ADCY5: variants seen among roughly 807,000 people sequenced by gnomAD.
ADCY5 encodes adenylate cyclase type 5.
Under a neutral mutation model 119.7 loss-of-function variants are expected in ADCY5, and 30 were observed. The ratio of observed to expected loss-of-function variants is 0.25; its 90% CI spans 0.19 to 0.34. The LOEUF is 0.34. Among genes scored for constraint, ADCY5 ranks in the 10% least tolerant of loss-of-function variants. ADCY5 has a pLI of 1.00. For missense variants in ADCY5, 1,324 were observed against 1,775.2 expected (o/e 0.75, Z 4.57); for synonymous variants, 753 against 762.2 (o/e 0.99, Z 0.20).
At chr3:123,346,952 T>C (rs1340302706) in intron 3 of ADCY5, among the ~76,000 whole-genome samples, 1 of 152,136 alleles carries the variant, frequency 6.6e-6, no homozygotes, top group Non-Finnish European at 1.5e-5. Flanking sequence ...CTACATCTGT[T>C]TGCACGTCCC....
chr3:123,419,104 A>T (rs1391936622), intron 1 of ADCY5: 76 of 971,476 alleles, frequency 7.8e-5, no homozygotes, highest in Non-Finnish European at 9.2e-5. Flanking sequence ...TGTCTATATA[A>T]ATCCTAAGGG....
intron 1 of ADCY5, among the ~76,000 whole-genome samples, chr3:123,405,082 C>A (rs1335495614): frequency 3.9e-5 from 6 of 152,216 alleles, no homozygotes; most frequent in Admixed American, 3.9e-4. Flanking sequence ...AAAGAGCCTG[C>A]GACAGCTGCT....
intron 1 of ADCY5, among the ~76,000 whole-genome samples, chr3:123,386,793 C>G (rs58531872): frequency 0.48 from 72,494 of 151,904 alleles, 18,112 homozygotes; most frequent in East Asian, 0.68. Flanking sequence ...CCCGACCCCA[C>G]CCCGTTTCCT....
At chr3:123,393,001 T>C in intron 1 of ADCY5, among the ~76,000 whole-genome samples, 1 of 152,110 alleles carries the variant, frequency 6.6e-6, no homozygotes, top group East Asian at 1.9e-4. Context: ...GCTGAGACAA[T>C]GGCACATGCT....
At position 123,282,959 on chromosome 3, in the gene ADCY5, A is replaced by G. The variant is rs1938469997; in HGVS notation, c.*1649T>C. The G allele has an allele frequency of 6.6e-6, 1 of 152,242 alleles. No individual in the cohort carries two copies. Among genetic ancestry groups the G allele is most frequent in the Admixed American group, 6.5e-5 (1 of 15,288 alleles). 9.4% of individuals were successfully genotyped at this position (152,242 alleles called of 1,614,324 possible). On this transcript the variant is annotated 3_prime_UTR_variant, in exon 21 of 21. Coordinates refer to ENST00000462833, the MANE Select transcript of ADCY5 (RefSeq NM_183357.3). Reference sequence around the variant, plus strand: ...TAAGGATTCCACTGAATTCTGTGCTAGAGTATCATTTTCCAAATGTCTTCC... The same window carrying G: ...TAAGGATTCCACTGAATTCTGTGCTGGAGTATCATTTTCCAAATGTCTTCC...
rs149718845 is a variant in ADCY5 at position 123,445,711 on chromosome 3, T to A, written c.1134+1701A>T. ...CTCATCTCAGATCTGAAAAAACTTT[T>A]AACTTAGCATCAACAGCCCCACTTA... On this transcript the variant is annotated intron_variant, in intron 1 of 20. Transcript: ENST00000462833. Among the ~76,000 whole-genome samples, 407 of 152,304 alleles carry A rather than the reference T, an allele frequency of 2.7e-3. 2 individuals are homozygous for A. Among genetic ancestry groups the A allele is most frequent in the African/African-American group, 8.5e-3 (355 of 41,550 alleles).
intron 1 of ADCY5, among the ~76,000 whole-genome samples, chr3:123,445,842 C>T (rs1244566379): frequency 6.6e-6 from 1 of 152,226 alleles, no homozygotes; most frequent in Non-Finnish European, 1.5e-5. Flanking sequence ...AGGAAAAACA[C>T]ATACACCTTG....
intron 1 of ADCY5, among the ~76,000 whole-genome samples, chr3:123,412,701 TC>T (rs910081110): frequency 6.6e-6 from 1 of 151,582 alleles, no homozygotes; most frequent in Non-Finnish European, 1.5e-5. Flanking sequence ...GGGATCCAAC[TC>T]CCCCATCCCT....
chr3:123,443,850 A>G (rs1029166727), intron 1 of ADCY5, among the ~76,000 whole-genome samples: 1 of 152,112 alleles, frequency 6.6e-6, no homozygotes, highest in Non-Finnish European at 1.5e-5. Flanking sequence ...ATAATACCCC[A>G]TATTTGAACA....
intron 14 of ADCY5, 130 bp from the exon 15 acceptor site, chr3:123,300,425 T>A: frequency 9.3e-7 from 1 of 1,070,020 alleles, no homozygotes; most frequent in Non-Finnish European, 1.3e-6. Flanking sequence ...GATGTAAATT[T>A]CCCAACAGGT....
chr3:123,327,973 G>A (rs1390158577), intron 6 of ADCY5, among the ~76,000 whole-genome samples: 1 of 152,144 alleles, frequency 6.6e-6, no homozygotes, highest in East Asian at 1.9e-4. Flanking sequence ...GTCTCACACT[G>A]AACATCCTGG....
At chr3:123,423,296 A>G (rs1183170109) in intron 1 of ADCY5, among the ~76,000 whole-genome samples, 4 of 152,146 alleles carry the variant, frequency 2.6e-5, no homozygotes, top group African/African-American at 9.7e-5. Flanking sequence ...CTGGCTATAA[A>G]ACCCATCCCC....
chr3:123,373,507 C>G (rs1010124435), intron 1 of ADCY5, among the ~76,000 whole-genome samples: 2 of 152,322 alleles, frequency 1.3e-5, no homozygotes, highest in Non-Finnish European at 2.9e-5. Context: ...CAGATTCTCA[C>G]GCCCCCATCC....
chr3:123,324,391 G>A (rs542648119), intron 8 of ADCY5, among the ~76,000 whole-genome samples: 1 of 141,258 alleles, frequency 7.1e-6, no homozygotes, highest in South Asian at 2.2e-4. Flanking sequence ...TTCACTAAGT[G>A]GCCACACAGA....
At chr3:123,330,145 G>A (rs1186504097) in intron 5 of ADCY5, among the ~76,000 whole-genome samples, 2 of 152,194 alleles carry the variant, frequency 1.3e-5, no homozygotes, top group Non-Finnish European at 2.9e-5. Context: ...GGGACACTTG[G>A]CAAGTGCTGC....
chr3:123,329,461 A>G (rs1941657120), intron 5 of ADCY5, among the ~76,000 whole-genome samples: 1 of 152,156 alleles, frequency 6.6e-6, no homozygotes, highest in Non-Finnish European at 1.5e-5. Context: ...CTCCGTATGC[A>G]CTTATAACTC....
At chr3:123,346,419 G>C (rs984057161) in intron 3 of ADCY5, among the ~76,000 whole-genome samples, 1 of 152,180 alleles carries the variant, frequency 6.6e-6, no homozygotes, top group Admixed American at 6.5e-5. Flanking sequence ...CCCAAAACTG[G>C]GGGCCAATGT....
intron 1 of ADCY5, among the ~76,000 whole-genome samples, chr3:123,383,449 G>C (rs1944102573): frequency 6.6e-6 from 1 of 152,242 alleles, no homozygotes; most frequent in South Asian, 2.1e-4. Context: ...TCAAGGCTTA[G>C]CGGGGAGGGG....
intron 19 of ADCY5, among the ~76,000 whole-genome samples, 186 bp downstream of exon 19, chr3:123,289,564 G>T (rs538705207): frequency 1.3e-5 from 2 of 152,232 alleles, no homozygotes; most frequent in Non-Finnish European, 2.9e-5. Context: ...GGCGGATTCC[G>T]CTGTGAATGA....
Sources: gnomAD v4.1 joint callset for allele counts (sites outside exome capture counted in the v4.1 genomes callset) on GRCh38, gnomAD v4.1.1 for gene constraint, MANE v1.5 for transcripts, NCBI Gene and HGNC (gene_info 2026-07-23, HGNC 2026-07-21) for gene names.